C2CD5: variants seen among roughly 807,000 people sequenced by gnomAD.
The protein encoded by C2CD5 is C2 domain-containing protein 5.
C2CD5 carries 109 observed loss-of-function variants against 130.3 expected under a neutral mutation model. The ratio of observed to expected loss-of-function variants is 0.84; its 90% CI spans 0.72 to 0.98. The LOEUF (loss-of-function observed/expected upper bound fraction) is 0.98, where lower values mean the gene tolerates loss of function less well. Among genes scored for constraint, C2CD5 ranks in the 50% least tolerant of loss-of-function variants. C2CD5 has a pLI of 0.00. For synonymous variants in C2CD5, 454 were observed against 429.2 expected (o/e 1.06, Z -0.71); for missense variants, 996 against 1,261.8 (o/e 0.79, Z 3.19).
rs1481434224 is a variant in C2CD5, at chr12:22,493,350, T to C, written c.1148-13A>G. Reference sequence around the variant, plus strand: ...GTTTCTGGTTCATCTGAAAAATAAATTTTAAATCAGTTTATTACTCAATAG... The same window carrying C: ...GTTTCTGGTTCATCTGAAAAATAAACTTTAAATCAGTTTATTACTCAATAG... On this transcript the variant is annotated splice_polypyrimidine_tract_variant and intron_variant, in intron 10 of 26. Coordinates refer to ENST00000446597, the MANE Select transcript of C2CD5 (RefSeq NM_001286176.2). 2.0e-6 allele frequency: 3 copies of C among 1,479,386 alleles called. No individual in the cohort carries two copies. Among genetic ancestry groups the C allele is most frequent in the South Asian group, 1.1e-5 (1 of 88,050 alleles). The allele number at this position is 1,479,386 out of a possible 1,614,324, so 91.6% of individuals were successfully genotyped here. A position where few individuals can be genotyped will look rare whatever the true frequency, so the allele number is the denominator to read the frequency against.
chr12:22,513,730 T>C (rs1949431176), intron 8 of C2CD5, among the ~76,000 whole-genome samples: 1 of 152,072 alleles, frequency 6.6e-6, no homozygotes, highest in Admixed American at 6.6e-5. Context: ...ATGCTAACAA[T>C]TTAAGAATAC....
chr12:22,462,862 G>T (rs1224021542), intron 22 of C2CD5, among the ~76,000 whole-genome samples: 1 of 152,022 alleles, frequency 6.6e-6, no homozygotes, highest in Non-Finnish European at 1.5e-5. Flanking sequence ...CTAAGTGGGC[G>T]GGTCAGTTGA....
At chr12:22,489,974 G>GT (rs1946130332) in intron 12 of C2CD5, 149 bp downstream of exon 12, 1 of 560,824 alleles carries the variant, frequency 1.8e-6, no homozygotes, top group South Asian at 2.5e-5. Context: ...CTACGGGTTA[G>GT]TTAAAAATTA....
At chr12:22,484,533 G>C (rs1257595433) in intron 13 of C2CD5, 164 bp downstream of exon 13, 1 of 416,780 alleles carries the variant, frequency 2.4e-6, no homozygotes, top group Non-Finnish European at 4.2e-6. Flanking sequence ...TTACACAGAG[G>C]GTTTTTTTTT....
At chr12:22,455,094 C>T in intron 25 of C2CD5, among the ~76,000 whole-genome samples, 1 of 152,050 alleles carries the variant, frequency 6.6e-6, no homozygotes. Flanking sequence ...TATTAGAAAA[C>T]CATTTTATTG....
chr12:22,506,602 T>C (rs890330363), intron 10 of C2CD5, 109 bp downstream of exon 10: 19 of 680,358 alleles, frequency 2.8e-5, no homozygotes, highest in Non-Finnish European at 4.2e-5. Context: ...GTTTATACTT[T>C]CTTTTCATTT....
intron 3 of C2CD5, among the ~76,000 whole-genome samples, chr12:22,528,426 TATC>T (rs1303723790): frequency 3.9e-5 from 6 of 152,186 alleles, no homozygotes; most frequent in Non-Finnish European, 8.8e-5. Context: ...ATCGAGTTGT[TATC>T]ATATGCCAAA....
At chr12:22,455,709 G>C (rs920815115) in intron 25 of C2CD5, among the ~76,000 whole-genome samples, 2 of 152,110 alleles carry the variant, frequency 1.3e-5, no homozygotes, top group African/African-American at 4.8e-5. Context: ...GGGAAGGATA[G>C]AGTCTCACTC....
chr12:22,492,334 G>A (rs1222464553), intron 11 of C2CD5, among the ~76,000 whole-genome samples: 1 of 152,156 alleles, frequency 6.6e-6, no homozygotes, highest in Admixed American at 6.5e-5. Flanking sequence ...GTAAGGAGCT[G>A]AGAAAACAAC....
chr12:22,454,425 G>A (rs745842998), intron 25 of C2CD5, among the ~76,000 whole-genome samples: 1 of 152,046 alleles, frequency 6.6e-6, no homozygotes, highest in Non-Finnish European at 1.5e-5. Flanking sequence ...AAGCCTAAAC[G>A]ATAAAACTTA....
chr12:22,463,721 T>A (rs1368661136), intron 22 of C2CD5: 1 of 152,218 alleles, frequency 6.6e-6, no homozygotes, highest in East Asian at 1.9e-4. Context: ...ATCTATTCAC[T>A]TTATATCATT....
chr12:22,493,420 T>TG (rs1946612352), intron 10 of C2CD5, 83 bp from the exon 11 acceptor site: 1 of 684,144 alleles, frequency 1.5e-6, no homozygotes, highest in Non-Finnish European at 2.4e-6. Flanking sequence ...AAACATACTA[T>TG]GGGAAGTAAA....
At chr12:22,518,985 G>A (rs1950025199) in intron 7 of C2CD5, 1 of 723,180 alleles carries the variant, frequency 1.4e-6, no homozygotes, top group African/African-American at 1.8e-5. Flanking sequence ...CACTGCAGCT[G>A]GACTTCGAGT....
In C2CD5 at chr12:22,478,328, A is replaced by C. The variant is rs775209789; in HGVS notation, c.1887T>G (p.Tyr629Ter). ...TTTTACTTACTGGAGGATTGATTTCATATAACTCTTTGTTTTTAGCAATTG... is the reference window on the plus strand; with the variant it reads ...TTTTACTTACTGGAGGATTGATTTCCTATAACTCTTTGTTTTTAGCAATTG... ...NDTIAKNKEL[Y>*]EINPPEISEE... is the part of the protein sequence containing the mutation. Residue 629 changes from tyrosine to a stop codon, truncating the protein, a stop_gained, in exon 15 of 27, where the codon TAT (tyrosine) becomes TAG (stop). Coordinates refer to ENST00000446597, the MANE Select transcript of C2CD5 (RefSeq NM_001286176.2). LOFTEE classifies it high-confidence loss of function. 1 of 1,611,862 alleles carries C rather than the reference A, an allele frequency of 6.2e-7. No homozygotes were observed. Among genetic ancestry groups the C allele is most frequent in the Non-Finnish European group, 8.5e-7 (1 of 1,178,070 alleles).
chr12:22,469,607 T>C, intron 22 of C2CD5, 102 bp downstream of exon 22: 1 of 595,288 alleles, frequency 1.7e-6, no homozygotes, highest in Non-Finnish European at 2.9e-6. Flanking sequence ...GAATGAAGGA[T>C]AAATTTTCAC....
At chr12:22,482,304 G>A (rs909844554) in intron 14 of C2CD5, among the ~76,000 whole-genome samples, 3 of 152,142 alleles carry the variant, frequency 2.0e-5, no homozygotes, top group Admixed American at 2.0e-4. Flanking sequence ...CAGAAAAACT[G>A]TGGCCAACTT....
intron 11 of C2CD5, among the ~76,000 whole-genome samples, chr12:22,492,886 T>C (rs539096653): frequency 1.3e-5 from 2 of 152,284 alleles, no homozygotes; most frequent in African/African-American, 2.4e-5. Flanking sequence ...GTGGAAGAAG[T>C]TGATACAGTT....
intron 3 of C2CD5, among the ~76,000 whole-genome samples, chr12:22,530,325 T>G (rs1466021786): frequency 8.7e-5 from 13 of 150,286 alleles, no homozygotes; most frequent in African/African-American, 3.2e-4. Context: ...TATAACTGAA[T>G]GCAATTAACA....
intron 15 of C2CD5, among the ~76,000 whole-genome samples, chr12:22,475,934 C>T (rs1348198563): frequency 2.0e-5 from 3 of 152,036 alleles, no homozygotes; most frequent in South Asian, 2.1e-4. Context: ...CACAGTGCAA[C>T]GTTATTCCCA....
Sources: allele counts gnomAD v4.1 joint callset (sites outside exome capture counted in the v4.1 genomes callset), GRCh38; gene constraint gnomAD v4.1.1; transcripts MANE v1.5; gene names NCBI Gene and HGNC (gene_info 2026-07-23, HGNC 2026-07-21).